Variants in ANK3 observed in about 807,000 individuals in gnomAD.
The protein encoded by ANK3 is ankyrin-3.
A neutral mutation model predicts 370.9 loss-of-function variants in ANK3; 57 were observed. That is an observed-to-expected ratio of 0.15 (90% CI 0.12 to 0.19). The LOEUF (loss-of-function observed/expected upper bound fraction) is 0.19, where lower values mean the gene tolerates loss of function less well. ANK3 is among the 10% of genes least tolerant of loss of function. The probability of loss-of-function intolerance (pLI) is 1.00; values close to 1 mark genes in which losing one functional copy is unlikely to be tolerated. For missense variants in ANK3, 4,439 were observed against 5,302.1 expected, an observed-to-expected ratio of 0.84 and a Z score of 5.06; for synonymous variants, 1,929 against 1,946.3, an observed-to-expected ratio of 0.99 and a Z score of 0.23.
intron 43 of ANK3, among the ~76,000 whole-genome samples, chr10:60,030,377 C>T (rs148592025): frequency 6.6e-6 from 1 of 152,072 alleles, no homozygotes. Context: ...CTCCTGACCT[C>T]GTGAGCCGCC....
intron 7 of ANK3, among the ~76,000 whole-genome samples, chr10:60,259,916 C>T (rs1055997896): frequency 7.9e-5 from 12 of 152,142 alleles, no homozygotes; most frequent in Admixed American, 1.3e-4. Context: ...CTTTGTCCTT[C>T]AAAGTGTCAA....
intron 43 of ANK3, among the ~76,000 whole-genome samples, chr10:60,034,765 G>C (rs2074531480): frequency 6.6e-6 from 1 of 152,040 alleles, no homozygotes; most frequent in African/African-American, 2.4e-5. Context: ...CTAGTTCTTT[G>C]TTTCTCTCCC....
intron 10 of ANK3, among the ~76,000 whole-genome samples, chr10:60,207,047 C>T (rs940129471): frequency 3.3e-5 from 5 of 152,190 alleles, no homozygotes; most frequent in Non-Finnish European, 7.3e-5. Context: ...AGAGTCATGA[C>T]TGCTAATTTC....
intron 25 of ANK3, among the ~76,000 whole-genome samples, chr10:60,124,655 C>T (rs1415502586): frequency 2.6e-5 from 4 of 152,238 alleles, no homozygotes; most frequent in African/African-American, 9.6e-5. Context: ...CTTGTCTACG[C>T]ATCGATTCTT....
chr10:60,351,780 C>T (rs541664614), intron 1 of ANK3, among the ~76,000 whole-genome samples: 6 of 152,104 alleles, frequency 3.9e-5, no homozygotes, highest in African/African-American at 9.7e-5. Context: ...CTTAGGCCAT[C>T]GGGGTCTCAG....
chr10:60,176,465 T>A (rs2095958697), intron 18 of ANK3, among the ~76,000 whole-genome samples: 1 of 151,882 alleles, frequency 6.6e-6, no homozygotes. Context: ...ATACCCCTTA[T>A]AATTTTGCTA....
intron 1 of ANK3, among the ~76,000 whole-genome samples, chr10:60,379,216 C>T (rs562429763): frequency 6.6e-6 from 1 of 151,924 alleles, no homozygotes; most frequent in African/African-American, 2.4e-5. Context: ...ATAAAAATAA[C>T]AAATGCTGGC....
intron 1 of ANK3, among the ~76,000 whole-genome samples, chr10:60,323,568 G>A (rs2049138047): frequency 2.0e-5 from 3 of 152,126 alleles, no homozygotes; most frequent in Admixed American, 2.0e-4. Context: ...TAGGGTTTAG[G>A]GGAGATGTCT....
At chr10:60,567,925 T>C (rs533838517) in intron 2 of ANK3, among the ~76,000 whole-genome samples, 1 of 152,252 alleles carries the variant, frequency 6.6e-6, no homozygotes, top group Non-Finnish European at 1.5e-5. Context: ...ATGATTGAAT[T>C]GCAAGAGAAC....
At chr10:60,682,272 A>G (rs2079205924) in intron 1 of ANK3, among the ~76,000 whole-genome samples, 2 of 152,140 alleles carry the variant, frequency 1.3e-5, no homozygotes, top group African/African-American at 4.8e-5. Flanking sequence ...CATTACTAAC[A>G]CTAATCCATG....
intron 1 of ANK3, among the ~76,000 whole-genome samples, chr10:60,334,041 CAG>C (rs1342496746): frequency 6.6e-6 from 1 of 152,050 alleles, no homozygotes; most frequent in East Asian, 1.9e-4. Context: ...GGAATTTCGG[CAG>C]AGAGCAGAAA....
intron 1 of ANK3, among the ~76,000 whole-genome samples, chr10:60,305,782 T>C (rs1211949814): frequency 6.6e-6 from 1 of 152,174 alleles, no homozygotes; most frequent in Non-Finnish European, 1.5e-5. Context: ...TCAAAGATAC[T>C]GCAGCAGCAA....
intron 2 of ANK3, among the ~76,000 whole-genome samples, chr10:60,611,645 T>G (rs1343905280): frequency 6.6e-6 from 1 of 151,920 alleles, no homozygotes; most frequent in Non-Finnish European, 1.5e-5. Flanking sequence ...ATGACTCATA[T>G]TCCACAGTTC....
chr10:60,345,296 G>A (rs761026967), intron 1 of ANK3, among the ~76,000 whole-genome samples: 5 of 152,096 alleles, frequency 3.3e-5, no homozygotes, highest in East Asian at 3.9e-4. Flanking sequence ...TTCCCATTTC[G>A]TGCATGTGTG....
At chr10:60,731,725 ACTG>A (rs2080024886) in intron 1 of ANK3, among the ~76,000 whole-genome samples, 1 of 152,220 alleles carries the variant, frequency 6.6e-6, no homozygotes, top group Non-Finnish European at 1.5e-5. Flanking sequence ...GGCTGCCTGA[ACTG>A]CTAAAGCAGC....
intron 2 of ANK3, among the ~76,000 whole-genome samples, chr10:60,573,775 A>G (rs965457765): frequency 1.3e-5 from 2 of 152,334 alleles, no homozygotes; most frequent in African/African-American, 4.8e-5. Flanking sequence ...ATGAAAACAG[A>G]GCACTTTGAG....
intron 7 of ANK3, among the ~76,000 whole-genome samples, chr10:60,250,712 G>T (rs2097650022): frequency 6.6e-6 from 1 of 152,124 alleles, no homozygotes. Flanking sequence ...TTAGAGACAA[G>T]CCTGCCTTAT....
At chr10:60,665,438 G>A (rs948847990) in intron 1 of ANK3, among the ~76,000 whole-genome samples, 1 of 152,148 alleles carries the variant, frequency 6.6e-6, no homozygotes, top group African/African-American at 2.4e-5. Context: ...AACAACAAAT[G>A]TGTTGTCTGG....
chr10:60,397,616 T>C lies in ANK3; in HGVS notation c.97-117977A>G, dbSNP rs115085484. On this transcript the variant is annotated intron_variant, in intron 2 of 43. Transcript: ENST00000373827. ...GTAGATTTGGGATTCACCCTCTTCC[T>C]ACTTGTCCTTGAACTTGGCAAGTGT... Among the ~76,000 whole-genome samples the C allele has an allele frequency of 2.0e-3, 299 of 152,324 alleles. 1 individual carries two copies. Among genetic ancestry groups the C allele is most frequent in the African/African-American group, 7.0e-3 (290 of 41,578 alleles).
Sources: allele counts gnomAD v4.1 joint callset (sites outside exome capture counted in the v4.1 genomes callset), GRCh38; gene constraint gnomAD v4.1.1; transcripts MANE v1.5; gene names NCBI Gene and HGNC (gene_info 2026-07-23, HGNC 2026-07-21).